Variants in CMTM8 observed in about 807,000 individuals in gnomAD.
CMTM8 encodes CKLF-like MARVEL transmembrane domain-containing protein 8.
In CMTM8, 12 loss-of-function variants were observed where a neutral mutation model predicts 18.6. The ratio of observed to expected loss-of-function variants is 0.65; its 90% CI spans 0.41 to 1.05. The LOEUF (loss-of-function observed/expected upper bound fraction) is 1.05. Among genes scored for constraint, CMTM8 ranks in the 50% least tolerant of loss-of-function variants. CMTM8 has a pLI of 0.00. For synonymous variants in CMTM8, 87 were observed against 90.6 expected (o/e 0.96, Z 0.23); for missense variants, 217 against 227.2 (o/e 0.95, Z 0.29).
At chr3:32,360,105 ACT>A (rs1463157413) in intron 2 of CMTM8, among the ~76,000 whole-genome samples, 4 of 152,172 alleles carry the variant, frequency 2.6e-5, no homozygotes, top group Non-Finnish European at 2.9e-5. Flanking sequence ...GGGGTTGCAC[ACT>A]CACATATGTG....
chr3:32,361,285 A>AGTTTTTTTTTT (rs1350130022), intron 2 of CMTM8, among the ~76,000 whole-genome samples: 2 of 23,908 alleles, frequency 8.4e-5, no homozygotes, highest in South Asian at 1.4e-3. Flanking sequence ...CCAGCCTAAG[A>AGTTTTTTTTTT]GTTTTTTTTT....
chr3:32,315,214 C>G (rs1471342721), intron 1 of CMTM8, among the ~76,000 whole-genome samples: 2 of 151,860 alleles, frequency 1.3e-5, no homozygotes, highest in African/African-American at 2.4e-5. Context: ...ACCGCAACCT[C>G]TGCCTCCCAG....
At chr3:32,283,362 T>C (rs775066095) in intron 1 of CMTM8, among the ~76,000 whole-genome samples, 28 of 152,304 alleles carry the variant, frequency 1.8e-4, no homozygotes, top group Middle Eastern at 6.8e-3. Flanking sequence ...TTGGCTCCAA[T>C]TGGGGGAAGA....
At chr3:32,245,302 G>C (rs1701994739) in intron 1 of CMTM8, among the ~76,000 whole-genome samples, 1 of 152,236 alleles carries the variant, frequency 6.6e-6, no homozygotes, top group South Asian at 2.1e-4. Context: ...GAACAAAGCA[G>C]TGTTTTTTCA....
intron 1 of CMTM8, among the ~76,000 whole-genome samples, chr3:32,346,971 C>T (rs1696607148): frequency 2.0e-5 from 3 of 151,688 alleles, no homozygotes; most frequent in Admixed American, 2.0e-4. Context: ...TAGGCATGCA[C>T]CACCATGCCT....
chr3:32,297,573 A>T (rs774739607), intron 1 of CMTM8, among the ~76,000 whole-genome samples: 2 of 152,070 alleles, frequency 1.3e-5, no homozygotes, highest in Admixed American at 6.6e-5. Context: ...CCTTGCACAG[A>T]GAATGCTGTG....
At chr3:32,240,415 T>C (rs182606861) in intron 1 of CMTM8, among the ~76,000 whole-genome samples, 80 of 152,320 alleles carry the variant, frequency 5.3e-4, no homozygotes, top group Admixed American at 5.1e-3. Context: ...GTTCAACAAA[T>C]ATTTGCTGTG....
intron 1 of CMTM8, among the ~76,000 whole-genome samples, chr3:32,309,493 A>T (rs1011947202): frequency 1.3e-5 from 2 of 151,524 alleles, no homozygotes. Flanking sequence ...TTTTTAGTAG[A>T]GACAGTGTTT....
intron 1 of CMTM8, among the ~76,000 whole-genome samples, chr3:32,324,541 C>T (rs1481032518): frequency 6.6e-6 from 1 of 152,212 alleles, no homozygotes; most frequent in Non-Finnish European, 1.5e-5. Context: ...TTACATAAAA[C>T]TATGCCATGC....
At chr3:32,289,897 G>A (rs190310867) in intron 1 of CMTM8, among the ~76,000 whole-genome samples, 3 of 152,240 alleles carry the variant, frequency 2.0e-5, no homozygotes, top group East Asian at 1.9e-4. Context: ...TTAGGAGGCC[G>A]AGGCCGGTAG....
At chr3:32,364,498 G>C (rs1324297091) in intron 2 of CMTM8, among the ~76,000 whole-genome samples, 1 of 151,914 alleles carries the variant, frequency 6.6e-6, no homozygotes, top group Non-Finnish European at 1.5e-5. Flanking sequence ...GTAAGATTCT[G>C]TCTCAAAAGA....
chr3:32,365,007 A>G (rs1697004391), intron 2 of CMTM8, among the ~76,000 whole-genome samples: 1 of 151,996 alleles, frequency 6.6e-6, no homozygotes, highest in Admixed American at 6.6e-5. Flanking sequence ...CTGCTGTGGT[A>G]GTGGGACACC....
intron 1 of CMTM8, among the ~76,000 whole-genome samples, chr3:32,276,946 G>A (rs1424874455): frequency 1.3e-5 from 2 of 151,624 alleles, no homozygotes; most frequent in East Asian, 1.9e-4. Context: ...AGAGTGCAGC[G>A]GCACAATCAT....
chr3:32,269,733 T>G (rs1702407635), intron 1 of CMTM8, among the ~76,000 whole-genome samples: 1 of 152,244 alleles, frequency 6.6e-6, no homozygotes, highest in South Asian at 2.1e-4. Context: ...TTTGTTTCAC[T>G]AAAACTTTTT....
At chr3:32,333,306 G>T (rs1696317460) in intron 1 of CMTM8, among the ~76,000 whole-genome samples, 1 of 152,220 alleles carries the variant, frequency 6.6e-6, no homozygotes, top group Admixed American at 6.5e-5. Flanking sequence ...ACTGTGGCCA[G>T]ATTTGGCTAC....
intron 1 of CMTM8, among the ~76,000 whole-genome samples, chr3:32,291,777 T>G (rs1324161004): frequency 6.6e-6 from 1 of 152,138 alleles, no homozygotes; most frequent in Non-Finnish European, 1.5e-5. Flanking sequence ...TAGTGTATGG[T>G]CTGTTAAGCC....
chr3:32,274,438 G>T (rs1702485578), intron 1 of CMTM8, among the ~76,000 whole-genome samples: 1 of 152,080 alleles, frequency 6.6e-6, no homozygotes, highest in Non-Finnish European at 1.5e-5. Context: ...AAGAAAAGTT[G>T]TAAGGACAGT....
intron 1 of CMTM8, among the ~76,000 whole-genome samples, chr3:32,328,957 G>A (rs1342309859): frequency 6.6e-6 from 1 of 152,160 alleles, no homozygotes; most frequent in African/African-American, 2.4e-5. Context: ...ATTGAAGAGA[G>A]AATGCTTTCA....
chr3:32,309,609 C>A (rs1246421150), intron 1 of CMTM8, among the ~76,000 whole-genome samples: 1 of 152,064 alleles, frequency 6.6e-6, no homozygotes, highest in Non-Finnish European at 1.5e-5. Flanking sequence ...ACCTGGCCAA[C>A]CAATTTTTTT....
Sources: allele counts gnomAD v4.1 joint callset (sites outside exome capture counted in the v4.1 genomes callset), GRCh38; gene constraint gnomAD v4.1.1; transcripts MANE v1.5; gene names NCBI Gene and HGNC (gene_info 2026-07-23, HGNC 2026-07-21).